The following STK32B variants were observed in gnomAD, a reference collection of about 807,000 sequenced individuals.
STK32B encodes the protein serine/threonine kinase 32B.
A neutral mutation model predicts 52.6 loss-of-function variants in STK32B; 43 were observed. That is an observed-to-expected ratio of 0.82 (90% CI 0.64 to 1.05). The LOEUF is 1.05. Among genes scored for constraint, STK32B ranks in the 50% least tolerant of loss-of-function variants. STK32B has a pLI of 0.00. For synonymous variants in STK32B, 238 were observed against 204.3 expected, an observed-to-expected ratio of 1.17 and a Z score of -1.41; for missense variants, 621 against 534.6, an observed-to-expected ratio of 1.16 and a Z score of -1.59.
intron 2 of STK32B, among the ~76,000 whole-genome samples, chr4:5,156,295 A>T (rs1370836634): frequency 1.3e-5 from 2 of 152,044 alleles, no homozygotes; most frequent in Non-Finnish European, 2.9e-5. Context: ...ATATAAATAA[A>T]TAAATATAAA....
intron 3 of STK32B, among the ~76,000 whole-genome samples, chr4:5,295,072 A>T (rs1475676551): frequency 1.3e-5 from 2 of 152,186 alleles, no homozygotes; most frequent in African/African-American, 4.8e-5. Context: ...GTGATGGATT[A>T]CATTTATTGT....
chr4:5,444,979 A>T (rs1577512011), intron 6 of STK32B, among the ~76,000 whole-genome samples: 1 of 152,312 alleles, frequency 6.6e-6, no homozygotes, highest in Admixed American at 6.5e-5. Context: ...CTGAGTATGT[A>T]GTTTGTGCTG....
chr4:5,470,510 T>C lies in STK32B; in HGVS notation c.1106+2440T>C, dbSNP rs762095062. On this transcript the variant is annotated intron_variant, in intron 11 of 11. Coordinates refer to ENST00000282908, the MANE Select transcript of STK32B (RefSeq NM_018401.3). This position sits in a 1 kb window ranked among gnomAD's most constrained non-coding sequence, Gnocchi z 4.6. ...TCTCTGCTTACCTAAGTGCTTCCTCTGCGGCCCTGATGGCTGATAGGCTTC... is the reference window on the plus strand; with the variant it reads ...TCTCTGCTTACCTAAGTGCTTCCTCCGCGGCCCTGATGGCTGATAGGCTTC... 5.3e-5 allele frequency among the ~76,000 whole-genome samples: 8 copies of C among 152,254 alleles called. No individual in the cohort carries two copies. Among genetic ancestry groups the C allele is most frequent in the Non-Finnish European group, 1.0e-4 (7 of 68,024 alleles).
At chr4:5,492,560 C>A (rs551368657) in intron 11 of STK32B, among the ~76,000 whole-genome samples, 6 of 151,034 alleles carry the variant, frequency 4.0e-5, no homozygotes, top group African/African-American at 1.2e-4. Context: ...AATTGAATAC[C>A]CTTTATTTCC....
At chr4:5,494,381 G>T (rs1247005824) in intron 11 of STK32B, among the ~76,000 whole-genome samples, 1 of 151,136 alleles carries the variant, frequency 6.6e-6, no homozygotes, top group Non-Finnish European at 1.5e-5. Context: ...TGTTTTATCA[G>T]AGATTGGGAT....
chr4:5,065,649 A>G (rs1264442644), intron 1 of STK32B, among the ~76,000 whole-genome samples: 1 of 152,234 alleles, frequency 6.6e-6, no homozygotes, highest in African/African-American at 2.4e-5. Flanking sequence ...GTCCAGCTCC[A>G]ACATCACAAA....
chr4:5,297,229 C>G (rs930190609), intron 3 of STK32B, among the ~76,000 whole-genome samples: 2 of 152,134 alleles, frequency 1.3e-5, no homozygotes, highest in Non-Finnish European at 2.9e-5. Flanking sequence ...TCATTTCAAC[C>G]TTTGTGAATC....
At chr4:5,243,361 A>G (rs1725185187) in intron 3 of STK32B, among the ~76,000 whole-genome samples, 2 of 152,188 alleles carry the variant, frequency 1.3e-5, no homozygotes, top group Admixed American at 6.5e-5. Context: ...GAGTTCACTC[A>G]TGATTTGGCT....
At chr4:5,091,895 C>T (rs12639972) in intron 1 of STK32B, among the ~76,000 whole-genome samples, 13,844 of 152,214 alleles carry the variant, frequency 0.091, 724 homozygotes, top group East Asian at 0.17. Context: ...CTGATACATA[C>T]AGCAACATGG....
At chr4:5,259,143 C>T (rs981464090) in intron 3 of STK32B, among the ~76,000 whole-genome samples, 2 of 152,192 alleles carry the variant, frequency 1.3e-5, no homozygotes, top group Non-Finnish European at 2.9e-5. Context: ...TTGCCACCCT[C>T]AAAAATTACC....
intron 1 of STK32B, among the ~76,000 whole-genome samples, chr4:5,056,926 TC>T (rs1028008589): frequency 2.0e-5 from 3 of 151,896 alleles, no homozygotes; most frequent in Non-Finnish European, 4.4e-5. Context: ...AAAACATCCA[TC>T]CCCCCCAACC....
At chr4:5,127,698 G>A (rs1715490137) in intron 1 of STK32B, among the ~76,000 whole-genome samples, 1 of 152,190 alleles carries the variant, frequency 6.6e-6, no homozygotes, top group Non-Finnish European at 1.5e-5. Flanking sequence ...GCAGAGGTTG[G>A]AGCCATGCAG....
chr4:5,411,393 C>T (rs967637070), intron 5 of STK32B, among the ~76,000 whole-genome samples: 11 of 151,802 alleles, frequency 7.2e-5, no homozygotes, highest in African/African-American at 4.8e-5. Flanking sequence ...TTCAACCAGC[C>T]GTGGATAAAA....
chr4:5,306,033 T>A (rs1729904873), intron 3 of STK32B, among the ~76,000 whole-genome samples: 1 of 152,182 alleles, frequency 6.6e-6, no homozygotes, highest in Non-Finnish European at 1.5e-5. Flanking sequence ...CTTTTGGAGT[T>A]GGTTTCCAAT....
intron 11 of STK32B, among the ~76,000 whole-genome samples, chr4:5,476,248 C>T (rs551265353): frequency 2.0e-5 from 3 of 152,246 alleles, no homozygotes; most frequent in East Asian, 1.9e-4. Flanking sequence ...ATAAGTCATC[C>T]GTCTGAGGTC....
At chr4:5,383,568 A>C (rs1291504124) in intron 4 of STK32B, among the ~76,000 whole-genome samples, 1 of 152,180 alleles carries the variant, frequency 6.6e-6, no homozygotes, top group Admixed American at 6.5e-5. Context: ...CTCAGGAGGC[A>C]TTGGAACTGC....
chr4:5,250,465 A>C (rs901477935), intron 3 of STK32B, among the ~76,000 whole-genome samples: 1 of 151,980 alleles, frequency 6.6e-6, no homozygotes, highest in Non-Finnish European at 1.5e-5. Flanking sequence ...TGCATGTATC[A>C]CTACGCTTGG....
At position 5,466,730 on chromosome 4, in the gene STK32B, T is replaced by G. The variant is rs1244393797; in HGVS notation, c.937T>G (p.Phe313Val). 1 of 1,613,782 alleles carries G rather than the reference T, an allele frequency of 6.2e-7. No homozygotes were observed. Among genetic ancestry groups the G allele is most frequent in the Non-Finnish European group, 8.5e-7 (1 of 1,179,862 alleles). ...NKGRLNCDPT[F>V]ELEEMILESK... ...AGGGAGGTTGAACTGCGATCCCACA[T>G]TTGAGCTTGAAGAGATGATTCTAGA... The change falls in exon 10 of 12, where the codon TTT becomes GTT. Residue 313 changes from phenylalanine (F) to valine (V), a missense_variant. Physicochemically the swap from Phe to Val is conservative, Grantham distance 50. Transcript: ENST00000282908.
intron 3 of STK32B, among the ~76,000 whole-genome samples, chr4:5,236,468 G>A (rs919693420): frequency 4.6e-5 from 7 of 152,104 alleles, no homozygotes; most frequent in African/African-American, 1.7e-4. Context: ...GAACATATTG[G>A]CACCCTGAGA....
Sources: gnomAD v4.1 joint callset for allele counts (sites outside exome capture counted in the v4.1 genomes callset) on GRCh38, gnomAD v4.1.1 for gene constraint, Gnocchi (gnomAD v3.1) non-coding constraint, MANE v1.5 for transcripts, NCBI Gene and HGNC (gene_info 2026-07-23, HGNC 2026-07-21) for gene names.